The following PCDH17 variants were observed in gnomAD, a reference collection of about 807,000 sequenced individuals.
The protein encoded by PCDH17 is protocadherin-17.
In PCDH17, 21 loss-of-function variants were observed where a neutral mutation model predicts 67.7. The observed-to-expected ratio is 0.31, with a 90% CI of 0.22 to 0.45. PCDH17 has a LOEUF of 0.45. PCDH17 is among the 20% of genes least tolerant of loss of function. PCDH17 has a pLI of 1.00. For missense variants in PCDH17, 1,471 were observed against 1,564.8 expected, an observed-to-expected ratio of 0.94 and a Z score of 1.01; for synonymous variants, 701 against 656.7, an observed-to-expected ratio of 1.07 and a Z score of -1.03.
At chr13:57,665,546 G>A (rs961058935) in intron 1 of PCDH17, among the ~76,000 whole-genome samples, 14 of 152,112 alleles carry the variant, frequency 9.2e-5, no homozygotes, top group Admixed American at 9.2e-4. Context: ...CTGCTTCAGA[G>A]TATAATGCCG....
chr13:57,706,187 C>T (rs931600007), intron 3 of PCDH17, among the ~76,000 whole-genome samples: 20 of 151,944 alleles, frequency 1.3e-4, no homozygotes, highest in African/African-American at 2.9e-4. Context: ...CAAAGTATTT[C>T]GTATGATTTG....
intron 3 of PCDH17, among the ~76,000 whole-genome samples, chr13:57,714,720 C>G (rs1040392627): frequency 6.6e-6 from 1 of 151,728 alleles, no homozygotes; most frequent in Admixed American, 6.6e-5. Flanking sequence ...TGCATTAACT[C>G]TTTCAAGACT....
rs1954782580 is a variant in PCDH17 at position 57,634,259 on chromosome 13, G to A, written c.1713G>A (p.Val571=). The change falls in exon 1 of 4, where the codon GTG becomes GTA. Residue 571 remains valine (V), a synonymous_variant. Transcript: ENST00000377918. This position sits in a 1 kb window ranked among gnomAD's most constrained non-coding sequence, Gnocchi z 7.8. ...AHLESNATVR[V]TVLDVNDNAP... ...TGGAGAGCAACGCCACGGTGAGGGT[G>A]ACAGTGCTAGACGTGAATGACAACG... is the stretch of plus-strand genomic sequence containing the variant. 6.2e-7 allele frequency: 1 copy of A among 1,613,232 alleles called. No individual in the cohort carries two copies. Among genetic ancestry groups the A allele is most frequent in the Non-Finnish European group, 8.5e-7 (1 of 1,180,028 alleles).
chr13:57,699,078 T>TTTTGCC (rs145181822), intron 3 of PCDH17, among the ~76,000 whole-genome samples: 9,614 of 151,980 alleles, frequency 0.063, 337 homozygotes, highest in Middle Eastern at 0.099. Flanking sequence ...AGATTAACAC[T>TTTTGCC]AGGATCTTTA....
chr13:57,633,224 C>G lies in PCDH17; in HGVS notation c.678C>G (p.Thr226=), dbSNP rs142744496. 7.0e-5 allele frequency: 113 copies of G among 1,613,294 alleles called. 1 individual carries two copies. The African/African-American group carries it at 1.3e-3, about 19-fold the overall frequency. The change falls in exon 1 of 4, where the codon ACC becomes ACG. Residue 226 remains threonine, a synonymous_variant. Transcript: ENST00000377918. The surrounding 1 kb of genome is among the most constrained non-coding windows in gnomAD (Gnocchi z 6.2). ...GTGGCGAGCCTCCACGTTCCGCCAC[C>G]GTACAGATCAACGTGAAGGTGATTG... ...LDGGEPPRSA[T]VQINVKVIDS...
At position 57,725,553 on chromosome 13, in the gene PCDH17, G is replaced by C; in HGVS notation, c.*259G>C. 2.7e-6 allele frequency: 1 copy of C among 375,742 alleles called. No individual in the cohort carries two copies. The allele number at this position is 375,742 out of a possible 1,614,324, so 23.3% of individuals were successfully genotyped here. On this transcript the variant is annotated 3_prime_UTR_variant, in exon 4 of 4. Coordinates refer to ENST00000377918, the MANE Select transcript of PCDH17 (RefSeq NM_001040429.3). ...CTTAAAGAGAAAAGAAAAAAAGAGAGAAGAAAAAGGAGAGATGAAAAAGGA... is the reference window on the plus strand; with the variant it reads ...CTTAAAGAGAAAAGAAAAAAAGAGACAAGAAAAAGGAGAGATGAAAAAGGA...
intron 3 of PCDH17, among the ~76,000 whole-genome samples, chr13:57,681,885 A>G (rs1056535419): frequency 2.0e-5 from 3 of 151,832 alleles, no homozygotes; most frequent in Non-Finnish European, 2.9e-5. Flanking sequence ...GTTTAGAACT[A>G]TCTCAGACTC....
rs9569719 is a variant in PCDH17 at position 57,642,186 on chromosome 13, C to A, written c.2565+7075C>A. On this transcript the variant is annotated intron_variant, in intron 1 of 3. Coordinates refer to ENST00000377918, the MANE Select transcript of PCDH17 (RefSeq NM_001040429.3). ...TATATGCTGTCTGAACAATATTTAA[C>A]ACTTTTTAAACTTTTAATGTTTTTG... is the stretch of plus-strand genomic sequence containing the variant. Among the ~76,000 whole-genome samples the A allele has an allele frequency of 0.028, 4,309 of 151,644 alleles. 369 individuals carry two copies. The East Asian group carries it at 0.3, about 10-fold the overall frequency.
chr13:57,633,411 C>G lies in PCDH17; in HGVS notation c.865C>G (p.Arg289Gly). Residue 289 changes from arginine (R) to glycine (G), a missense_variant, in exon 1 of 4, where the codon CGC becomes GGC. Arg to Gly is a moderately radical substitution (Grantham distance 125, BLOSUM62 -2). Around this residue, in one of 3 missense-constraint regions of PCDH17, gnomAD observed 1,163 missense variants for 1,230.0 expected, o/e 0.95. Transcript: ENST00000377918. The surrounding 1 kb of genome is among the most constrained non-coding windows in gnomAD (Gnocchi z 6.2). The stretch of plus-strand genomic sequence containing the variant: ...CTCTTTCAGCAGCTACGTGCCTGAC[C>G]GCGTGCGGGAGCTCTTCTCCATCGA... ...LYSFSSYVPDRVRELFSIDPK... is the reference protein window; with the variant it reads ...LYSFSSYVPDGVRELFSIDPK... 8 of 1,613,414 alleles carry G rather than the reference C, an allele frequency of 5.0e-6. No homozygotes were observed. Among genetic ancestry groups the G allele is most frequent in the Non-Finnish European group, 6.8e-6 (8 of 1,180,030 alleles).
Position 57,634,152 on chromosome 13 carries a change from G to C in PCDH17, c.1606G>C (p.Ala536Pro). The change falls in exon 1 of 4, where the codon GCC becomes CCC. Residue 536 changes from alanine (A) to proline (P), a missense_variant. Physicochemically the swap from Ala to Pro is conservative, Grantham distance 27. Transcript: ENST00000377918. The surrounding 1 kb of genome is among the most constrained non-coding windows in gnomAD (Gnocchi z 7.8). ...GAATCCCACGAACGGGGCCATCTAC[G>C]CCCTGCGCTCCTTTAACTTCGAGCA... ...SVNPTNGAIYALRSFNFEQTK... is the reference protein window; with the variant it reads ...SVNPTNGAIYPLRSFNFEQTK... 2 of 1,613,610 alleles carry C rather than the reference G, an allele frequency of 1.2e-6. No individual in the cohort carries two copies. Among genetic ancestry groups the C allele is most frequent in the Non-Finnish European group, 1.7e-6 (2 of 1,180,030 alleles).
chr13:57,649,550 C>T (rs912304112), intron 1 of PCDH17, among the ~76,000 whole-genome samples: 7 of 152,150 alleles, frequency 4.6e-5, no homozygotes, highest in African/African-American at 1.7e-4. Flanking sequence ...TCCCTTTCAG[C>T]ATCATCTCAA....
chr13:57,641,588 ATATAT>A (rs1174978317), intron 1 of PCDH17, among the ~76,000 whole-genome samples: 5 of 56,476 alleles, frequency 8.9e-5, no homozygotes, highest in Non-Finnish European at 1.5e-4. Flanking sequence ...AAAAAAAAAA[ATATAT>A]ATATATATAT....
At chr13:57,692,916 G>C (rs550623890) in intron 3 of PCDH17, among the ~76,000 whole-genome samples, 21 of 151,010 alleles carry the variant, frequency 1.4e-4, no homozygotes, top group African/African-American at 4.6e-4. Flanking sequence ...ATTTGAACTT[G>C]TTTTAGAATT....
At chr13:57,651,522 GAGC>G (rs1191254486) in intron 1 of PCDH17, among the ~76,000 whole-genome samples, 1 of 151,600 alleles carries the variant, frequency 6.6e-6, no homozygotes, top group Non-Finnish European at 1.5e-5. Context: ...ATTTTTTTTA[GAGC>G]TGGGGTTCTG....
chr13:57,666,946 A>G, intron 3 of PCDH17, 113 bp downstream of exon 3: 1 of 766,266 alleles, frequency 1.3e-6, no homozygotes, highest in Non-Finnish European at 1.9e-6. Flanking sequence ...ATAATATATC[A>G]AAGAAACAGC....
At chr13:57,718,021 TC>T (rs1485021507) in intron 3 of PCDH17, among the ~76,000 whole-genome samples, 1 of 152,024 alleles carries the variant, frequency 6.6e-6, no homozygotes, top group Non-Finnish European at 1.5e-5. Context: ...TATATTTTCC[TC>T]ATTATATTAA....
At chr13:57,714,118 C>G (rs1171566710) in intron 3 of PCDH17, among the ~76,000 whole-genome samples, 1 of 151,528 alleles carries the variant, frequency 6.6e-6, no homozygotes, top group Non-Finnish European at 1.5e-5. Context: ...ACTCCCATAT[C>G]CTATTGGCAG....
intron 3 of PCDH17, among the ~76,000 whole-genome samples, chr13:57,685,624 G>C (rs1297577843): frequency 6.6e-5 from 10 of 152,010 alleles, no homozygotes; most frequent in Admixed American, 6.6e-4. Flanking sequence ...TGGGAGTTGA[G>C]TATAAAAGTT....
At chr13:57,630,916 C>G (rs1410389148), upstream of PCDH17, among the ~76,000 whole-genome samples, 1 of 152,140 alleles carries the variant, frequency 6.6e-6, no homozygotes, top group Non-Finnish European at 1.5e-5. Context: ...CGAGGCGCCT[C>G]CAGAACCCGA....
Sources: allele counts gnomAD v4.1 joint callset (sites outside exome capture counted in the v4.1 genomes callset), GRCh38; gene constraint gnomAD v4.1.1; regional missense constraint gnomAD v4.1.1; non-coding constraint Gnocchi (gnomAD v3.1); transcripts MANE v1.5; gene names NCBI Gene and HGNC (gene_info 2026-07-23, HGNC 2026-07-21).